The following NLGN1 variants were observed in gnomAD, a reference collection of about 807,000 sequenced individuals.
NLGN1 encodes neuroligin-1.
NLGN1 carries 12 observed loss-of-function variants against 65.5 expected under a neutral mutation model. The observed-to-expected ratio is 0.18, with a 90% CI of 0.12 to 0.30. NLGN1 has a LOEUF of 0.30. Among genes scored for constraint, NLGN1 ranks in the 10% least tolerant of loss-of-function variants. NLGN1 has a pLI of 1.00. For missense variants in NLGN1, 750 were observed against 1,007.1 expected (o/e 0.74, Z 3.46); for synonymous variants, 350 against 359.5 (o/e 0.97, Z 0.30).
intron 3 of NLGN1, 120 bp from the exon 4 acceptor site, chr3:173,807,560 A>G: frequency 9.4e-7 from 1 of 1,059,830 alleles, no homozygotes; most frequent in Non-Finnish European, 1.4e-6. Context: ...TAATAAAAAC[A>G]GCAGTTTAAG....
At chr3:174,196,356 C>A (rs756805111) in intron 4 of NLGN1, among the ~76,000 whole-genome samples, 7 of 151,946 alleles carry the variant, frequency 4.6e-5, no homozygotes, top group Non-Finnish European at 8.8e-5. Context: ...TCAAATTTCC[C>A]AAGCTCTCCC....
intron 4 of NLGN1, among the ~76,000 whole-genome samples, chr3:174,231,798 G>T (rs927896014): frequency 1.9e-4 from 29 of 152,074 alleles, no homozygotes; most frequent in Non-Finnish European, 2.6e-4. Flanking sequence ...TTTCAAAATT[G>T]CTTCCCTTTT....
intron 4 of NLGN1, among the ~76,000 whole-genome samples, chr3:174,270,176 ATTTGTTTAT>A (rs1435954011): frequency 1.8e-4 from 16 of 86,636 alleles, no homozygotes; most frequent in African/African-American, 6.5e-4. Context: ...ATGTAGTCTT[ATTTGTTTAT>A]TTTTTTTTTT....
intron 4 of NLGN1, among the ~76,000 whole-genome samples, chr3:174,197,926 A>G (rs1372828090): frequency 6.6e-6 from 1 of 152,102 alleles, no homozygotes; most frequent in African/African-American, 2.4e-5. Context: ...ACGATCTAGT[A>G]TTGACATTTT....
chr3:173,619,522 G>T (rs1232619407), intron 3 of NLGN1, among the ~76,000 whole-genome samples: 1 of 152,192 alleles, frequency 6.6e-6, no homozygotes, highest in Non-Finnish European at 1.5e-5. Flanking sequence ...GCTACAATTT[G>T]TATAGTGCCT....
At chr3:174,021,844 A>G (rs1727808976) in intron 4 of NLGN1, among the ~76,000 whole-genome samples, 1 of 152,158 alleles carries the variant, frequency 6.6e-6, no homozygotes, top group African/African-American at 2.4e-5. Context: ...GTCACTTACA[A>G]CTGAAAGCAT....
At chr3:174,236,795 T>C (rs1382047942) in intron 4 of NLGN1, among the ~76,000 whole-genome samples, 1 of 152,130 alleles carries the variant, frequency 6.6e-6, no homozygotes, top group African/African-American at 2.4e-5. Context: ...TTTGAACTTT[T>C]GTTATTTTAT....
intron 3 of NLGN1, among the ~76,000 whole-genome samples, chr3:173,679,940 CAATT>C (rs1460859083): frequency 6.6e-6 from 1 of 151,862 alleles, no homozygotes; most frequent in African/African-American, 2.4e-5. Context: ...GCCAAGGAAA[CAATT>C]AATTATGACT....
At chr3:174,259,359 C>T (rs551928412) in intron 4 of NLGN1, among the ~76,000 whole-genome samples, 1 of 152,118 alleles carries the variant, frequency 6.6e-6, no homozygotes, top group African/African-American at 2.4e-5. Flanking sequence ...AGATTTCTCA[C>T]ACATCACCTC....
intron 4 of NLGN1, chr3:173,910,811 G>A (rs1440865696): frequency 6.6e-6 from 1 of 152,202 alleles, no homozygotes. Flanking sequence ...CATTGTAACT[G>A]TGGCCATTTT....
At chr3:173,977,133 A>G (rs2152385657) in intron 4 of NLGN1, among the ~76,000 whole-genome samples, 1 of 151,820 alleles carries the variant, frequency 6.6e-6, no homozygotes, top group East Asian at 1.9e-4. Flanking sequence ...GCACACACAC[A>G]CACACCATTT....
At chr3:173,791,474 A>T (rs1712724797) in intron 3 of NLGN1, among the ~76,000 whole-genome samples, 2 of 150,574 alleles carry the variant, frequency 1.3e-5, no homozygotes, top group Admixed American at 1.3e-4. Context: ...GAACTCTAGG[A>T]TCTTTTGTCC....
At chr3:173,648,159 A>G (rs1194804386) in intron 3 of NLGN1, among the ~76,000 whole-genome samples, 1 of 152,204 alleles carries the variant, frequency 6.6e-6, no homozygotes, top group Non-Finnish European at 1.5e-5. Context: ...AAAATGATAA[A>G]CTGGACACCA....
At chr3:173,649,824 T>TA (rs1463837691) in intron 3 of NLGN1, among the ~76,000 whole-genome samples, 2 of 152,102 alleles carry the variant, frequency 1.3e-5, no homozygotes, top group Non-Finnish European at 2.9e-5. Context: ...AAAGTACACT[T>TA]AAAGTGTTCA....
intron 4 of NLGN1, among the ~76,000 whole-genome samples, chr3:174,143,654 C>G (rs1722690610): frequency 1.3e-5 from 2 of 151,984 alleles, no homozygotes; most frequent in Admixed American, 1.3e-4. Context: ...CAGCATCTCC[C>G]CACAATGCAC....
intron 2 of NLGN1, among the ~76,000 whole-genome samples, chr3:173,557,695 A>G (rs1257489547): frequency 6.6e-6 from 1 of 152,138 alleles, no homozygotes; most frequent in East Asian, 1.9e-4. Context: ...ATATAATACC[A>G]GAACCCCTTT....
intron 2 of NLGN1, among the ~76,000 whole-genome samples, chr3:173,498,465 T>TG (rs1730414351): frequency 6.6e-6 from 1 of 151,860 alleles, no homozygotes; most frequent in Non-Finnish European, 1.5e-5. Flanking sequence ...GTTGGACATT[T>TG]GGGTTGGTTC....
At chr3:174,084,297 C>T (rs1338409974) in intron 4 of NLGN1, among the ~76,000 whole-genome samples, 2 of 152,092 alleles carry the variant, frequency 1.3e-5, no homozygotes, top group Non-Finnish European at 2.9e-5. Flanking sequence ...CAGGCACTTA[C>T]ATTACAACAA....
chr3:174,199,142 C>T (rs754812346), intron 4 of NLGN1, among the ~76,000 whole-genome samples: 2 of 152,080 alleles, frequency 1.3e-5, no homozygotes, highest in Non-Finnish European at 2.9e-5. Flanking sequence ...CCACCGCGCC[C>T]GTCCTGCATA....
Sources: gnomAD v4.1 joint callset for allele counts (sites outside exome capture counted in the v4.1 genomes callset) on GRCh38, gnomAD v4.1.1 for gene constraint, MANE v1.5 for transcripts, NCBI Gene and HGNC (gene_info 2026-07-23, HGNC 2026-07-21) for gene names.